The following ACTN4 variants were observed in gnomAD, a reference collection of about 807,000 sequenced individuals.
The protein encoded by ACTN4 is actinin alpha 4.
In ACTN4, 18 loss-of-function variants were observed where a neutral mutation model predicts 114.2. The ratio of observed to expected loss-of-function variants is 0.16; its 90% CI spans 0.11 to 0.23. ACTN4 has a LOEUF of 0.23. Among genes scored for constraint, ACTN4 ranks in the 10% least tolerant of loss-of-function variants. The pLI is 1.00. For missense variants in ACTN4, 722 were observed against 1,262.9 expected (o/e 0.57, Z 6.49); for synonymous variants, 515 against 506.3 (o/e 1.02, Z -0.23).
intron 12 of ACTN4, among the ~76,000 whole-genome samples, chr19:38,722,326 A>G (rs761096652): frequency 6.6e-6 from 1 of 152,164 alleles, no homozygotes; most frequent in South Asian, 2.1e-4. Flanking sequence ...CAGGCCCTCG[A>G]GGGGCAGCAG....
At chr19:38,690,248 G>C (rs1474747118) in intron 1 of ACTN4, among the ~76,000 whole-genome samples, 2 of 152,198 alleles carry the variant, frequency 1.3e-5, no homozygotes, top group Admixed American at 6.5e-5. Flanking sequence ...TTTGGCTTGA[G>C]CTGAGCTTTC....
intron 1 of ACTN4, among the ~76,000 whole-genome samples, chr19:38,694,106 C>T (rs1968015654): frequency 6.6e-6 from 1 of 152,132 alleles, no homozygotes; most frequent in South Asian, 2.1e-4. Flanking sequence ...AGGTCAAGGG[C>T]TGGGTGCAGG....
At chr19:38,673,832 G>T (rs1347402420) in intron 1 of ACTN4, among the ~76,000 whole-genome samples, 1 of 131,834 alleles carries the variant, frequency 7.6e-6, no homozygotes, top group Non-Finnish European at 1.6e-5. Context: ...ACCCAGGCTG[G>T]AGTGCAGTAG....
Position 38,729,420 on chromosome 19 carries a change from G to C in ACTN4, c.2724G>C (p.Glu908Asp). ...CCTTCTCCACGGCCTTGTATGGCGA[G>C]AGCGACCTGTGAGGCCCCAGAGACC... ...YKSFSTALYG[E>D]SDL is the part of the protein sequence containing the mutation. The change falls in exon 21 of 21, where the codon GAG becomes GAC. Residue 908 changes from glutamate (E) to aspartate (D), a missense_variant. Transcript: ENST00000252699. 1 of 1,612,824 alleles carries C rather than the reference G, an allele frequency of 6.2e-7. No individual in the cohort carries two copies. The highest frequency in any genetic ancestry group is 8.5e-7 in the Non-Finnish European group (1 of 1,179,974).
intron 1 of ACTN4, among the ~76,000 whole-genome samples, chr19:38,658,017 T>C (rs1184848157): frequency 1.3e-5 from 2 of 152,196 alleles, no homozygotes; most frequent in African/African-American, 4.8e-5. Context: ...AGTGCCCTCA[T>C]ACCAGAGGCA....
chr19:38,701,372 C>T (rs548642299), intron 3 of ACTN4, among the ~76,000 whole-genome samples: 2 of 152,268 alleles, frequency 1.3e-5, no homozygotes, highest in Non-Finnish European at 2.9e-5. Flanking sequence ...CACCCAACCA[C>T]GGGGGCGACG....
chr19:38,673,726 CTT>C (rs1491440417), intron 1 of ACTN4, among the ~76,000 whole-genome samples: 5 of 31,696 alleles, frequency 1.6e-4, no homozygotes, highest in African/African-American at 4.4e-4. Context: ...TTTATATATA[CTT>C]ATATATATTT....
chr19:38,670,653 A>G (rs1320589839), intron 1 of ACTN4, among the ~76,000 whole-genome samples: 1 of 152,110 alleles, frequency 6.6e-6, no homozygotes, highest in African/African-American at 2.4e-5. Context: ...GGCCGGGTAC[A>G]GTGGCTCACG....
intron 1 of ACTN4, among the ~76,000 whole-genome samples, chr19:38,659,038 TG>T (rs1976793744): frequency 6.7e-6 from 1 of 149,208 alleles, no homozygotes; most frequent in South Asian, 2.2e-4. Flanking sequence ...CCTTTCCCTT[TG>T]TAACTTTTTT....
chr19:38,668,248 G>A (rs938548894), intron 1 of ACTN4, among the ~76,000 whole-genome samples: 2 of 152,144 alleles, frequency 1.3e-5, no homozygotes, highest in African/African-American at 4.8e-5. Flanking sequence ...AAACAGGAGA[G>A]CCATGTAAGT....
chr19:38,702,889 C>A (rs1457585365), intron 3 of ACTN4, among the ~76,000 whole-genome samples: 3 of 152,212 alleles, frequency 2.0e-5, no homozygotes, highest in African/African-American at 4.8e-5. Flanking sequence ...GTATTCTGCT[C>A]AGAGGTCAGT....
chr19:38,704,921 T>A lies in ACTN4; in HGVS notation c.398-13T>A. On this transcript the variant is annotated splice_polypyrimidine_tract_variant and intron_variant, in intron 3 of 20. Coordinates refer to ENST00000252699, the MANE Select transcript of ACTN4 (RefSeq NM_004924.6). ...AACGACCTTCTGCCCTCTGCCCCCTTCCCTGTGTGCAGAGATTGTGGACGG... is the reference window on the plus strand; with the variant it reads ...AACGACCTTCTGCCCTCTGCCCCCTACCCTGTGTGCAGAGATTGTGGACGG... 6.2e-7 allele frequency: 1 copy of A among 1,612,288 alleles called. No individual in the cohort carries two copies. Among genetic ancestry groups the A allele is most frequent in the Non-Finnish European group, 8.5e-7 (1 of 1,178,280 alleles).
Position 38,721,661 on chromosome 19 carries a change from A to G in ACTN4, c.1415A>G (p.Gln472Arg). The change falls in exon 12 of 21, where the codon CAG becomes CGG. Residue 472 changes from glutamine to arginine, a missense_variant. By Grantham distance (43) the Gln-to-Arg change is conservative. Coordinates refer to ENST00000252699, the MANE Select transcript of ACTN4 (RefSeq NM_004924.6). Reference protein sequence around the residue: ...DLAAHQDRVEQIAAIAQELNE... With the variant: ...DLAAHQDRVERIAAIAQELNE... Reference sequence around the variant, plus strand: ...GCTGCGCACCAGGACCGCGTGGAGCAGATCGCCGCCATTGCCCAGGAGCTC... The same window carrying G: ...GCTGCGCACCAGGACCGCGTGGAGCGGATCGCCGCCATTGCCCAGGAGCTC... 1 of 1,613,826 alleles carries G rather than the reference A, an allele frequency of 6.2e-7. No individual in the cohort carries two copies. Among genetic ancestry groups the G allele is most frequent in the Non-Finnish European group, 8.5e-7 (1 of 1,180,032 alleles).
At chr19:38,686,663 C>T (rs1420814755) in intron 1 of ACTN4, among the ~76,000 whole-genome samples, 1 of 152,256 alleles carries the variant, frequency 6.6e-6, no homozygotes, top group Non-Finnish European at 1.5e-5. Flanking sequence ...CTGCCTCCCG[C>T]TCTGTGGGCC....
At position 38,671,194 on chromosome 19, in the gene ACTN4, G is replaced by A. The variant is rs376002570; in HGVS notation, c.162+23287G>A. ...CTTTAGCTGTGGTTTTCCAGCCTCC[G>A]GACTCCTCCCCCTTTCCCATCACCA... On this transcript the variant is annotated intron_variant, in intron 1 of 20. Coordinates refer to ENST00000252699, the MANE Select transcript of ACTN4 (RefSeq NM_004924.6). Among the ~76,000 whole-genome samples the A allele has an allele frequency of 1.3e-3, 200 of 152,206 alleles. 4 individuals are homozygous for A. The South Asian group carries it at 0.027, about 20-fold the overall frequency.
chr19:38,647,912 G>T lies in ACTN4; in HGVS notation c.162+5G>T, dbSNP rs1387623064. 2.3e-5 allele frequency: 34 copies of T among 1,489,056 alleles called. No homozygotes were observed. The highest frequency in any genetic ancestry group is 3.0e-5 in the Non-Finnish European group (34 of 1,118,328). The allele number at this position is 1,489,056 out of a possible 1,614,324, so 92.2% of individuals were successfully genotyped here. On this transcript the variant is annotated splice_donor_5th_base_variant and intron_variant, in intron 1 of 20. Transcript: ENST00000252699. ...TGGGAGAAGCAGCAGCGCAAGGTGC[G>T]CGGCCCGCGGGCCGGACGGGCTGGA...
intron 9 of ACTN4, among the ~76,000 whole-genome samples, chr19:38,715,300 C>T (rs1233846983): frequency 1.3e-5 from 2 of 152,142 alleles, no homozygotes; most frequent in Non-Finnish European, 2.9e-5. Flanking sequence ...AGTTCAAAAC[C>T]AGCCTGGCCA....
intron 1 of ACTN4, among the ~76,000 whole-genome samples, chr19:38,683,548 T>TC (rs1210583355): frequency 6.6e-6 from 1 of 151,700 alleles, no homozygotes; most frequent in Non-Finnish European, 1.5e-5. Context: ...CACCAACTTT[T>TC]CCCCCCCTTC....
chr19:38,728,936 G>A, intron 19 of ACTN4, 60 bp from the exon 20 acceptor site: 1 of 1,605,554 alleles, frequency 6.2e-7, no homozygotes, highest in Non-Finnish European at 8.5e-7. Flanking sequence ...ACCAGTGTGG[G>A]CCTGGCTGCC....
Sources: gnomAD v4.1 joint callset for allele counts (sites outside exome capture counted in the v4.1 genomes callset) on GRCh38, gnomAD v4.1.1 for gene constraint, MANE v1.5 for transcripts, NCBI Gene and HGNC (gene_info 2026-07-23, HGNC 2026-07-21) for gene names.